The following DCC variants were observed in gnomAD, a reference collection of about 807,000 sequenced individuals.
DCC encodes netrin receptor DCC.
DCC carries 58 observed loss-of-function variants against 172.5 expected under a neutral mutation model. The ratio of observed to expected loss-of-function variants is 0.34; its 90% confidence interval spans 0.27 to 0.42. DCC has a LOEUF of 0.42. Among genes scored for constraint, DCC ranks in the 10% least tolerant of loss-of-function variants. The probability of loss-of-function intolerance (pLI) is 1.00; values close to 1 mark genes in which losing one functional copy is unlikely to be tolerated. For synonymous variants in DCC, 709 were observed against 644.5 expected, an observed-to-expected ratio of 1.10 and a Z score of -1.52; for missense variants, 1,740 against 1,791.0, an observed-to-expected ratio of 0.97 and a Z score of 0.51.
chr18:53,323,539 AAGAC>A (rs2057434580), intron 14 of DCC, among the ~76,000 whole-genome samples: 1 of 152,202 alleles, frequency 6.6e-6, no homozygotes, highest in African/African-American at 2.4e-5. Flanking sequence ...ATAGCAAAGA[AAGAC>A]AGACATTTTA....
intron 5 of DCC, among the ~76,000 whole-genome samples, chr18:53,059,883 G>A (rs759521043): frequency 6.6e-5 from 10 of 152,218 alleles, no homozygotes; most frequent in Middle Eastern, 3.4e-3. Context: ...CTAAGGATGA[G>A]GCATTGTACT....
chr18:52,747,145 G>T (rs2036918162), intron 1 of DCC, among the ~76,000 whole-genome samples: 1 of 152,102 alleles, frequency 6.6e-6, no homozygotes, highest in Admixed American at 6.5e-5. Context: ...AGAGAGAGAT[G>T]GAAACACTCA....
chr18:52,830,130 G>T (rs943052597), intron 2 of DCC, among the ~76,000 whole-genome samples: 2 of 152,180 alleles, frequency 1.3e-5, no homozygotes, highest in African/African-American at 4.8e-5. Flanking sequence ...AAGCCAGGAA[G>T]AGAGGAAGAT....
chr18:53,088,378 G>T (rs1182854148), intron 7 of DCC, among the ~76,000 whole-genome samples: 1 of 152,156 alleles, frequency 6.6e-6, no homozygotes, highest in African/African-American at 2.4e-5. Context: ...GTGAATGGGA[G>T]TTCACTCATG....
chr18:52,851,981 G>A (rs8095147), intron 2 of DCC, among the ~76,000 whole-genome samples: 73,570 of 151,816 alleles, frequency 0.48, 18,010 homozygotes, highest in South Asian at 0.56. Context: ...TTATATACAT[G>A]AAACATACAT....
At chr18:53,335,015 G>T (rs767430263) in intron 14 of DCC, among the ~76,000 whole-genome samples, 1 of 152,072 alleles carries the variant, frequency 6.6e-6, no homozygotes, top group Non-Finnish European at 1.5e-5. Flanking sequence ...ACCCTTATAT[G>T]GTTTCTTTAT....
chr18:53,221,173 T>A (rs72923271), intron 12 of DCC, among the ~76,000 whole-genome samples: 8,580 of 152,200 alleles, frequency 0.056, 299 homozygotes, highest in Middle Eastern at 0.082. Context: ...TTTAATTTTT[T>A]AAATTAAATA....
chr18:52,744,746 G>C (rs1259830208), intron 1 of DCC, among the ~76,000 whole-genome samples: 7 of 152,110 alleles, frequency 4.6e-5, no homozygotes, highest in Non-Finnish European at 8.8e-5. Context: ...ACACCCTCAG[G>C]CTACAGCACA....
intron 12 of DCC, among the ~76,000 whole-genome samples, chr18:53,218,546 G>A (rs1000168657): frequency 1.3e-5 from 2 of 152,048 alleles, no homozygotes; most frequent in African/African-American, 4.8e-5. Context: ...AGCTGTAATA[G>A]CAGAACAGAT....
intron 2 of DCC, among the ~76,000 whole-genome samples, chr18:52,763,329 G>T (rs1487740311): frequency 2.6e-5 from 4 of 152,158 alleles, no homozygotes; most frequent in Admixed American, 2.6e-4. Flanking sequence ...TTGGATTTTT[G>T]TGGTCCCTTT....
chr18:53,468,384 A>G (rs371674520), intron 25 of DCC, among the ~76,000 whole-genome samples: 1 of 144,266 alleles, frequency 6.9e-6, no homozygotes, highest in African/African-American at 2.6e-5. Context: ...TATTTATTTT[A>G]TTTATTTATT....
chr18:53,268,279 G>A (rs1490939162), intron 12 of DCC, among the ~76,000 whole-genome samples: 6 of 151,936 alleles, frequency 3.9e-5, no homozygotes, highest in Non-Finnish European at 5.9e-5. Flanking sequence ...ATTCAAACTA[G>A]GCAATCTGAT....
At chr18:53,227,448 C>A (rs78743191) in intron 12 of DCC, among the ~76,000 whole-genome samples, 1 of 152,224 alleles carries the variant, frequency 6.6e-6, no homozygotes, top group East Asian at 1.9e-4. Context: ...ATGATAGCCT[C>A]CATTAGTTTT....
intron 27 of DCC, among the ~76,000 whole-genome samples, chr18:53,513,836 C>T (rs529386729): frequency 1.6e-4 from 23 of 147,704 alleles, no homozygotes; most frequent in Middle Eastern, 3.5e-3. Context: ...ACCTACAAAG[C>T]GACTTAGACT....
chr18:53,079,894 G>T (rs2042774368), intron 7 of DCC, among the ~76,000 whole-genome samples: 1 of 152,160 alleles, frequency 6.6e-6, no homozygotes, highest in Non-Finnish European at 1.5e-5. Flanking sequence ...AGGCTGTAGA[G>T]ATATGCAGGG....
chr18:52,753,857 G>GT (rs1229832415), intron 2 of DCC, among the ~76,000 whole-genome samples: 3 of 151,874 alleles, frequency 2.0e-5, no homozygotes, highest in East Asian at 1.9e-4. Flanking sequence ...TGAAGAATCA[G>GT]TTTTTTTACT....
chr18:52,818,867 A>G (rs2038352474), intron 2 of DCC, among the ~76,000 whole-genome samples: 1 of 152,220 alleles, frequency 6.6e-6, no homozygotes, highest in Non-Finnish European at 1.5e-5. Context: ...CTAGTTAGAG[A>G]ACAGATACAA....
intron 5 of DCC, among the ~76,000 whole-genome samples, chr18:52,947,124 T>A (rs1225873524): frequency 6.6e-6 from 1 of 152,126 alleles, no homozygotes; most frequent in East Asian, 1.9e-4. Context: ...TTGGTGTGAA[T>A]ATTTGTATCA....
chr18:52,719,791 G>A, intron 1 of DCC, among the ~76,000 whole-genome samples: 1 of 152,184 alleles, frequency 6.6e-6, no homozygotes, highest in Non-Finnish European at 1.5e-5. Flanking sequence ...ACCGACTGGA[G>A]AATAACACTC....
Sources: gnomAD v4.1 joint callset for allele counts (sites outside exome capture counted in the v4.1 genomes callset) on GRCh38, gnomAD v4.1.1 for gene constraint, MANE v1.5 for transcripts, NCBI Gene and HGNC (gene_info 2026-07-23, HGNC 2026-07-21) for gene names.